COL23A1: variants seen among roughly 807,000 people sequenced by gnomAD.
The protein encoded by COL23A1 is collagen alpha-1(XXIII) chain.
A neutral mutation model predicts 99.3 loss-of-function variants in COL23A1; 97 were observed. The ratio of observed to expected loss-of-function variants is 0.98; its 90% confidence interval spans 0.83 to 1.16. The LOEUF (loss-of-function observed/expected upper bound fraction) is 1.16. COL23A1 is among the 50% of genes most tolerant of loss of function. COL23A1 has a pLI of 0.00. For missense variants in COL23A1, 762 were observed against 757.4 expected (o/e 1.01, Z -0.07); for synonymous variants, 320 against 308.2 (o/e 1.04, Z -0.40).
chr5:178,403,127 T>A (rs56401219), intron 2 of COL23A1, among the ~76,000 whole-genome samples: 19,491 of 50,302 alleles, frequency 0.39, 4,718 homozygotes, highest in East Asian at 0.63. Flanking sequence ...AAAAAATAAA[T>A]AAATAAAAAA....
At chr5:178,476,014 C>A (rs1757007706) in intron 2 of COL23A1, among the ~76,000 whole-genome samples, 1 of 152,192 alleles carries the variant, frequency 6.6e-6, no homozygotes. Flanking sequence ...AACTTGAAGT[C>A]AACTGATTAG....
At chr5:178,521,884 C>A (rs1473144722) in intron 2 of COL23A1, among the ~76,000 whole-genome samples, 1 of 152,166 alleles carries the variant, frequency 6.6e-6, no homozygotes, top group Admixed American at 6.5e-5. Context: ...AATGGTTACA[C>A]AGTTTCTGTT....
At chr5:178,242,430 G>A in intron 25 of COL23A1, 36 bp from the exon 26 acceptor site, 2 of 1,609,490 alleles carry the variant, frequency 1.2e-6, no homozygotes, top group South Asian at 1.1e-5. Context: ...CCGAAAATGA[G>A]GCTGGAGGTT....
Position 178,309,436 on chromosome 5 carries a change from G to C in COL23A1, c.362-2517C>G, listed in dbSNP as rs1344903976. 2.0e-5 allele frequency among the ~76,000 whole-genome samples: 3 copies of C among 152,120 alleles called. No homozygotes were observed. Among genetic ancestry groups the C allele is most frequent in the Admixed American group, 2.0e-4 (3 of 15,290 alleles). On this transcript the variant is annotated intron_variant, in intron 2 of 28. Coordinates refer to ENST00000390654, the MANE Select transcript of COL23A1 (RefSeq NM_173465.4). The surrounding 1 kb of genome is among the most constrained non-coding windows in gnomAD (Gnocchi z 4.7). The stretch of plus-strand genomic sequence containing the variant: ...GCTGGATGTGACCCCGACTGAATAG[G>C]GCCCTCGTGGAGGGAGAGAATGAAG...
chr5:178,462,768 G>C (rs1230729827), intron 2 of COL23A1, among the ~76,000 whole-genome samples: 1 of 152,222 alleles, frequency 6.6e-6, no homozygotes, highest in Non-Finnish European at 1.5e-5. Context: ...TCAACAATTA[G>C]ATGCCTGTAG....
At chr5:178,501,972 C>T (rs1421964637) in intron 2 of COL23A1, among the ~76,000 whole-genome samples, 1 of 152,200 alleles carries the variant, frequency 6.6e-6, no homozygotes, top group Non-Finnish European at 1.5e-5. Context: ...CAGAAGGGCA[C>T]TAAGAAGGTG....
At chr5:178,576,863 C>T (rs947057965) in intron 1 of COL23A1, among the ~76,000 whole-genome samples, 1 of 151,758 alleles carries the variant, frequency 6.6e-6, no homozygotes, top group African/African-American at 2.4e-5. Context: ...CCTGCGCGCA[C>T]GGGAGGCCGC....
intron 3 of COL23A1, among the ~76,000 whole-genome samples, chr5:178,301,836 G>C (rs1404714230): frequency 6.7e-6 from 1 of 149,310 alleles, no homozygotes; most frequent in Non-Finnish European, 1.5e-5. Context: ...GCACCTGTGT[G>C]TGCGCCGGAG....
At chr5:178,267,186 T>C (rs1214970602) in intron 8 of COL23A1, 121 bp downstream of exon 8, 3 of 1,102,646 alleles carry the variant, frequency 2.7e-6, no homozygotes, top group Non-Finnish European at 4.1e-6. Context: ...GGAAGAGCCC[T>C]CTTGGCCTCT....
At chr5:178,275,585 C>T (rs1450676677) in intron 5 of COL23A1, among the ~76,000 whole-genome samples, 2 of 152,290 alleles carry the variant, frequency 1.3e-5, no homozygotes, top group East Asian at 1.9e-4. Flanking sequence ...ATGAGGTCAG[C>T]GTGCTCCCTG....
intron 2 of COL23A1, among the ~76,000 whole-genome samples, chr5:178,358,020 G>GTGTGTATGCGTATGTGTATGCGTA (rs755529157): frequency 3.5e-5 from 5 of 142,728 alleles, no homozygotes; most frequent in Non-Finnish European, 6.1e-5. Flanking sequence ...GTGTGTATGT[G>GTGTGTATGCGTATGTGTATGCGTA]TGTGTATGCG....
chr5:178,438,848 T>C (rs1421611517), intron 2 of COL23A1: 3 of 152,128 alleles, frequency 2.0e-5, no homozygotes, highest in African/African-American at 7.2e-5. Flanking sequence ...CAAGCAGCAG[T>C]CCCCAAACGT....
At chr5:178,284,374 T>C (rs1757049676) in intron 5 of COL23A1, among the ~76,000 whole-genome samples, 1 of 152,236 alleles carries the variant, frequency 6.6e-6, no homozygotes, top group Non-Finnish European at 1.5e-5. Context: ...ATGTATATAT[T>C]TTAAAACTTA....
At chr5:178,304,117 G>A (rs1383694221) in intron 3 of COL23A1, among the ~76,000 whole-genome samples, 1 of 152,194 alleles carries the variant, frequency 6.6e-6, no homozygotes, top group African/African-American at 2.4e-5. Flanking sequence ...GGGAACTAGG[G>A]AGGCTACTGC....
intron 27 of COL23A1, among the ~76,000 whole-genome samples, chr5:178,239,927 G>T (rs951259867): frequency 6.6e-6 from 1 of 151,940 alleles, no homozygotes; most frequent in Non-Finnish European, 1.5e-5. Context: ...CTGATGTGAC[G>T]GTCACTCTGG....
Position 178,390,537 on chromosome 5 carries a change from A to G in COL23A1, c.362-83618T>C, listed in dbSNP as rs560724651. Among the ~76,000 whole-genome samples the G allele has an allele frequency of 2.0e-5, 3 of 152,380 alleles. No homozygotes were observed. The East Asian group carries it at 5.8e-4, about 29-fold the overall frequency. On this transcript the variant is annotated intron_variant, in intron 2 of 28. Transcript: ENST00000390654. Reference sequence around the variant, plus strand: ...CAGGACAATGAAGGGCAGAGACAGCACAATAGAGACCCCTGCAAGGCCTCC... The same window carrying G: ...CAGGACAATGAAGGGCAGAGACAGCGCAATAGAGACCCCTGCAAGGCCTCC...
At chr5:178,358,765 ATGTG>A (rs529846601) in intron 2 of COL23A1, among the ~76,000 whole-genome samples, 30 of 144,012 alleles carry the variant, frequency 2.1e-4, no homozygotes, top group Non-Finnish European at 3.2e-4. Flanking sequence ...GTGTGTGTGT[ATGTG>A]TGTGTATGTG....
At chr5:178,542,251 G>A (rs1338612503) in intron 2 of COL23A1, among the ~76,000 whole-genome samples, 5 of 152,090 alleles carry the variant, frequency 3.3e-5, no homozygotes, top group African/African-American at 1.2e-4. Context: ...ACGGGGTTTT[G>A]CCACGTTGGC....
chr5:178,413,763 T>C (rs1765165671), intron 2 of COL23A1, among the ~76,000 whole-genome samples: 1 of 152,126 alleles, frequency 6.6e-6, no homozygotes, highest in African/African-American at 2.4e-5. Flanking sequence ...TAGCAGAGGG[T>C]TCCAGGCAAA....
Sources: allele counts gnomAD v4.1 joint callset (sites outside exome capture counted in the v4.1 genomes callset), GRCh38; gene constraint gnomAD v4.1.1; non-coding constraint Gnocchi (gnomAD v3.1); transcripts MANE v1.5; gene names NCBI Gene and HGNC (gene_info 2026-07-23, HGNC 2026-07-21).